Variants in ACSM5 observed in about 807,000 individuals in gnomAD.
ACSM5 encodes acyl-CoA synthetase medium chain family member 5.
A neutral mutation model predicts 71.6 loss-of-function variants in ACSM5; 56 were observed. That is an observed-to-expected ratio of 0.78 (90% CI 0.63 to 0.98). The LOEUF (loss-of-function observed/expected upper bound fraction) is 0.98, where lower values mean the gene tolerates loss of function less well. Ranked by LOEUF, ACSM5 falls within the 50% of genes least tolerant of loss-of-function variation. The pLI is 0.00. For synonymous variants in ACSM5, 285 were observed against 281.5 expected, an observed-to-expected ratio of 1.01 and a Z score of -0.12; for missense variants, 723 against 726.0, an observed-to-expected ratio of 1.00 and a Z score of 0.05.
chr16:20,417,840 C>T (rs1197194405), intron 2 of ACSM5, among the ~76,000 whole-genome samples: 1 of 152,128 alleles, frequency 6.6e-6, no homozygotes, highest in Non-Finnish European at 1.5e-5. Flanking sequence ...ATGCAAAAAA[C>T]TAATAAAATT....
Position 20,431,027 on chromosome 16 carries a change from T to G in ACSM5, c.1160T>G (p.Ile387Ser), listed in dbSNP as rs1967085844. Residue 387 changes from isoleucine to serine, a missense_variant, in exon 9 of 14, where the codon ATC becomes AGC. Ile to Ser is a moderately radical substitution (Grantham distance 142). Coordinates refer to ENST00000331849, the MANE Select transcript of ACSM5 (RefSeq NM_017888.3). The part of the protein sequence containing the change: ...VICANPKGMK[I>S]KSGSMGKASP... ...TGTGCCAATCCAAAAGGCATGAAAATCAAGTCTGGATCCATGGGGAAGGCG... is the reference window on the plus strand; with the variant it reads ...TGTGCCAATCCAAAAGGCATGAAAAGCAAGTCTGGATCCATGGGGAAGGCG... 6.2e-7 allele frequency: 1 copy of G among 1,613,698 alleles called. No homozygotes were observed.
chr16:20,424,701 G>C (rs1229118458), intron 6 of ACSM5, among the ~76,000 whole-genome samples: 1 of 152,224 alleles, frequency 6.6e-6, no homozygotes, highest in Non-Finnish European at 1.5e-5. Context: ...TGATTCGCTA[G>C]CTGTGTGGCC....
At chr16:20,423,865 T>C (rs953465946) in intron 5 of ACSM5, 51 bp from the exon 6 acceptor site, 2 of 1,606,120 alleles carry the variant, frequency 1.2e-6, no homozygotes, top group Non-Finnish European at 1.7e-6. Context: ...ACAATCCTTT[T>C]TAAAGGTAGA....
chr16:20,419,979 A>G (rs1966871226), intron 4 of ACSM5, among the ~76,000 whole-genome samples: 1 of 152,238 alleles, frequency 6.6e-6, no homozygotes, highest in African/African-American at 2.4e-5. Context: ...ACAGATGAGG[A>G]AACTGAGACT....
intron 10 of ACSM5, among the ~76,000 whole-genome samples, chr16:20,433,111 G>A (rs1967134020): frequency 6.6e-6 from 1 of 152,132 alleles, no homozygotes; most frequent in South Asian, 2.1e-4. Flanking sequence ...GCCCGCCTCG[G>A]GCAACTCCCA....
At position 20,418,153 on chromosome 16, in the gene ACSM5, G is replaced by A; in HGVS notation, c.299G>A (p.Arg100Lys). The part of the protein sequence containing the change: ...WSFEELGKQS[R>K]KAANVLGGAC... Reference sequence around the variant, plus strand: ...TTTGAGGAGCTGGGGAAGCAGTCCAGGAAGGCAGCCAATGTGCTGGGGGGT... The same window carrying A: ...TTTGAGGAGCTGGGGAAGCAGTCCAAGAAGGCAGCCAATGTGCTGGGGGGT... The change falls in exon 3 of 14, where the codon AGG (arginine) becomes AAG (lysine). Residue 100 changes from arginine (R) to lysine (K), a missense_variant. Coordinates refer to ENST00000331849, the MANE Select transcript of ACSM5 (RefSeq NM_017888.3). 1 of 1,613,616 alleles carries A rather than the reference G, an allele frequency of 6.2e-7. No homozygotes were observed. The highest frequency in any genetic ancestry group is 8.5e-7 in the Non-Finnish European group (1 of 1,179,916).
chr16:20,418,116 A>T lies in ACSM5; in HGVS notation c.262A>T (p.Ile88Phe), dbSNP rs1424983914. Residue 88 changes from isoleucine to phenylalanine, a missense_variant, in exon 3 of 14, where the codon ATC becomes TTC. By Grantham distance (21) the Ile-to-Phe change is conservative (BLOSUM62 0). Coordinates refer to ENST00000331849, the MANE Select transcript of ACSM5 (RefSeq NM_017888.3). ...GTGGGTCAATGGCACAGGAGCAGAG[A>T]TCAAGTGGAGCTTTGAGGAGCTGGG... Reference protein sequence around the residue: ...FWWVNGTGAEIKWSFEELGKQ... With the variant: ...FWWVNGTGAEFKWSFEELGKQ... The T allele has an allele frequency of 1.2e-6, 2 of 1,613,802 alleles. No homozygotes were observed. Among genetic ancestry groups the T allele is most frequent in the Non-Finnish European group, 8.5e-7 (1 of 1,179,960 alleles).
intron 4 of ACSM5, 69 bp from the exon 5 acceptor site, chr16:20,421,189 A>G (rs60259312): frequency 0.034 from 50,662 of 1,470,682 alleles, 2,677 homozygotes; most frequent in African/African-American, 0.24. Flanking sequence ...TATTGTTGTT[A>G]CACATATTAT....
chr16:20,410,926 A>G (rs1966846495), intron 1 of ACSM5, among the ~76,000 whole-genome samples: 1 of 152,238 alleles, frequency 6.6e-6, no homozygotes, highest in African/African-American at 2.4e-5. Flanking sequence ...AACAAAAAAT[A>G]AATAAAAGTA....
chr16:20,418,316 G>T lies in ACSM5; in HGVS notation c.415+47G>T, dbSNP rs200388804. 3 of 1,555,848 alleles carry T rather than the reference G, an allele frequency of 1.9e-6. No individual in the cohort carries two copies. In the South Asian group the frequency reaches 3.6e-5, roughly 19 times the overall value. On this transcript the variant is annotated intron_variant, in intron 3 of 13. Coordinates refer to ENST00000331849, the MANE Select transcript of ACSM5 (RefSeq NM_017888.3). ...TTTTAGTTGGGGGCAGACACAACTT[G>T]CCAGAGCTTTGCAGTGTCCACAGGG...
chr16:20,418,936 A>C (rs1966865178), intron 3 of ACSM5, among the ~76,000 whole-genome samples: 1 of 152,204 alleles, frequency 6.6e-6, no homozygotes, highest in Admixed American at 6.5e-5. Context: ...TCCTGTTGTC[A>C]TGAATGTCCA....
At chr16:20,410,689 G>A (rs1322516075) in intron 1 of ACSM5, among the ~76,000 whole-genome samples, 1 of 152,056 alleles carries the variant, frequency 6.6e-6, no homozygotes, top group African/African-American at 2.4e-5. Context: ...TGGCACCACC[G>A]TACTCTAGCC....
At chr16:20,435,859 C>A (rs1967181233) in intron 10 of ACSM5, among the ~76,000 whole-genome samples, 1 of 151,916 alleles carries the variant, frequency 6.6e-6, no homozygotes, top group South Asian at 2.1e-4. Context: ...TTTCTCTTTC[C>A]TCTACTCTTG....
Position 20,425,429 on chromosome 16 carries a change from T to A in ACSM5, c.921+1360T>A, listed in dbSNP as rs891821876. ...TTCAAAACATAGTAGATTCTTTTTT[T>A]AAAAAAAAATTATTTTCATAGGTTA... On this transcript the variant is annotated intron_variant, in intron 6 of 13. Transcript: ENST00000331849. Among the ~76,000 whole-genome samples the A allele has an allele frequency of 9.5e-4, 145 of 151,976 alleles. 1 individual carries two copies. Among genetic ancestry groups the A allele is most frequent in the East Asian group, 1.2e-3 (6 of 5,184 alleles).
At chr16:20,426,399 A>G (rs1966981039) in intron 6 of ACSM5, among the ~76,000 whole-genome samples, 1 of 152,202 alleles carries the variant, frequency 6.6e-6, no homozygotes, top group South Asian at 2.1e-4. Context: ...TAGCTTAATG[A>G]GGGGTTTTTG....
chr16:20,417,642 AC>A (rs1465546897), intron 2 of ACSM5, among the ~76,000 whole-genome samples: 2 of 152,340 alleles, frequency 1.3e-5, no homozygotes, highest in Non-Finnish European at 2.9e-5. Flanking sequence ...TGGTTACACA[AC>A]CTTGTGAACA....
At position 20,432,636 on chromosome 16, in the gene ACSM5, G is replaced by A. The variant is rs187631671; in HGVS notation, c.1308+1315G>A. Among the ~76,000 whole-genome samples the A allele has an allele frequency of 2.0e-5, 3 of 152,066 alleles. No homozygotes were observed. In the East Asian group the frequency reaches 5.8e-4, roughly 29 times the overall value. ...TCATTCATTATTTATTGTCGACTTCGTGCCGCTCGGTGTGGAGCAGGACTC... is the reference window on the plus strand; with the variant it reads ...TCATTCATTATTTATTGTCGACTTCATGCCGCTCGGTGTGGAGCAGGACTC... On this transcript the variant is annotated intron_variant, in intron 10 of 13. Transcript: ENST00000331849.
intron 7 of ACSM5, among the ~76,000 whole-genome samples, chr16:20,429,137 A>G (rs1052661537): frequency 6.6e-6 from 1 of 152,110 alleles, no homozygotes; most frequent in African/African-American, 2.4e-5. Context: ...CAACATTCCA[A>G]GTAGCTGGGA....
chr16:20,427,653 T>C, intron 6 of ACSM5, 135 bp from the exon 7 acceptor site: 1 of 716,702 alleles, frequency 1.4e-6, no homozygotes, highest in Non-Finnish European at 2.5e-6. Flanking sequence ...GGACACCATC[T>C]TGGCTGCTGG....
Sources: allele counts gnomAD v4.1 joint callset (sites outside exome capture counted in the v4.1 genomes callset), GRCh38; gene constraint gnomAD v4.1.1; transcripts MANE v1.5; gene names NCBI Gene and HGNC (gene_info 2026-07-23, HGNC 2026-07-21).